SCFD1: variants seen among roughly 807,000 people sequenced by gnomAD.
The protein encoded by SCFD1 is sec1 family domain containing 1.
In SCFD1, 37 loss-of-function variants were observed where a neutral mutation model predicts 103.2. The observed-to-expected ratio is 0.36, with a 90% confidence interval of 0.28 to 0.47. The LOEUF (loss-of-function observed/expected upper bound fraction) is 0.47. Ranked by LOEUF, SCFD1 falls within the 20% of genes least tolerant of loss-of-function variation. The pLI is 1.00. For synonymous variants in SCFD1, 264 were observed against 245.0 expected (o/e 1.08, Z -0.73); for missense variants, 639 against 761.2 (o/e 0.84, Z 1.89).
At chr14:30,668,155 A>G (rs1016066605) in intron 10 of SCFD1, among the ~76,000 whole-genome samples, 3 of 152,138 alleles carry the variant, frequency 2.0e-5, no homozygotes, top group African/African-American at 4.8e-5. Flanking sequence ...ACTATACTAC[A>G]AGGCTACAGT....
chr14:30,714,607 T>C lies in SCFD1; in HGVS notation c.1630-1317T>C, dbSNP rs181310511. 1.7e-3 allele frequency among the ~76,000 whole-genome samples: 266 copies of C among 152,278 alleles called. 1 individual carries two copies. Among genetic ancestry groups the C allele is most frequent in the African/African-American group, 6.0e-3 (248 of 41,572 alleles). ...TAGTGACAGTCCATTTTAATAACAA[T>C]AAAATGTTTTATGATCTAAGAAAAT... On this transcript the variant is annotated intron_variant, in intron 19 of 24. Transcript: ENST00000458591.
intron 4 of SCFD1, among the ~76,000 whole-genome samples, chr14:30,637,060 G>A (rs1427338216): frequency 6.6e-6 from 1 of 152,008 alleles, no homozygotes. Flanking sequence ...ATGGTATTTA[G>A]GAATCAGGAT....
chr14:30,733,946 T>TTAA (rs1893657459), intron 23 of SCFD1, among the ~76,000 whole-genome samples: 1 of 152,150 alleles, frequency 6.6e-6, no homozygotes, highest in East Asian at 1.9e-4. Context: ...CTACCTTTAA[T>TTAA]TAATGCCTGT....
rs1337250150 is a variant in SCFD1 at position 30,734,849 on chromosome 14, C to A, written c.1896C>A (p.Phe632Leu). 6.2e-7 allele frequency: 1 copy of A among 1,609,602 alleles called. No individual in the cohort carries two copies. The change falls in exon 24 of 25, where the codon TTC becomes TTA. Residue 632 changes from phenylalanine (F) to leucine (L), a missense_variant. Coordinates refer to ENST00000458591, the MANE Select transcript of SCFD1 (RefSeq NM_016106.4). ...GTGAGCTTTTTAATGCTACACAGTT[C>A]ATAAAACAGGTAAAGTATACATTTG... Reference protein sequence around the residue: ...GCSELFNATQFIKQLSQLGQK With the variant: ...GCSELFNATQLIKQLSQLGQK
chr14:30,638,261 G>A lies in SCFD1; in HGVS notation c.435+14G>A, dbSNP rs762394666. ...CAAGTAGCCAAGGTAAGAGAGTTTG[G>A]TGGGTTGATGACATTTTGTCAATGT... On this transcript the variant is annotated intron_variant, in intron 5 of 24. Coordinates refer to ENST00000458591, the MANE Select transcript of SCFD1 (RefSeq NM_016106.4). 6 of 1,612,878 alleles carry A rather than the reference G, an allele frequency of 3.7e-6. No individual in the cohort carries two copies. In the South Asian group the frequency reaches 5.5e-5, roughly 15 times the overall value.
At chr14:30,708,117 A>C in intron 19 of SCFD1, 52 bp downstream of exon 19, 2 of 1,147,002 alleles carry the variant, frequency 1.7e-6, no homozygotes, top group Non-Finnish European at 2.6e-6. Context: ...ATAAATGTTG[A>C]CAGGCTAACT....
chr14:30,679,338 G>A (rs933985016), intron 14 of SCFD1, among the ~76,000 whole-genome samples: 1 of 151,914 alleles, frequency 6.6e-6, no homozygotes, highest in Non-Finnish European at 1.5e-5. Context: ...ATCTTAGAAA[G>A]ACTCAGTGAA....
intron 23 of SCFD1, among the ~76,000 whole-genome samples, chr14:30,729,330 T>G (rs188012789): frequency 2.0e-5 from 3 of 152,290 alleles, no homozygotes; most frequent in Admixed American, 6.5e-5. Context: ...AAATCTAAGG[T>G]CATAAAGATT....
chr14:30,723,399 ATTTTTATT>A (rs946794222), intron 23 of SCFD1, among the ~76,000 whole-genome samples: 11 of 151,950 alleles, frequency 7.2e-5, no homozygotes, highest in Non-Finnish European at 1.6e-4. Flanking sequence ...AAGGTTTTTT[ATTTTTATT>A]TTTTTAACTT....
At chr14:30,641,202 A>T (rs527333917) in intron 6 of SCFD1, among the ~76,000 whole-genome samples, 3 of 152,334 alleles carry the variant, frequency 2.0e-5, no homozygotes, top group East Asian at 3.9e-4. Context: ...TGCTTTAAAA[A>T]TTTTAAACAA....
intron 23 of SCFD1, among the ~76,000 whole-genome samples, chr14:30,731,520 T>G (rs1338027195): frequency 2.0e-5 from 3 of 152,228 alleles, no homozygotes; most frequent in Non-Finnish European, 4.4e-5. Flanking sequence ...TGTCCTCTTT[T>G]ACTTCGTTGA....
intron 10 of SCFD1, among the ~76,000 whole-genome samples, chr14:30,668,986 AGT>A (rs1191259461): frequency 6.6e-6 from 1 of 152,202 alleles, no homozygotes; most frequent in Non-Finnish European, 1.5e-5. Context: ...TGTGGAAGAC[AGT>A]GTGGTGATTC....
intron 4 of SCFD1, among the ~76,000 whole-genome samples, chr14:30,636,876 C>A (rs1336549695): frequency 6.6e-6 from 1 of 151,944 alleles, no homozygotes; most frequent in Non-Finnish European, 1.5e-5. Context: ...TATCTTGTAT[C>A]CTGCAACCTT....
At chr14:30,717,604 A>G (rs1043675899) in intron 20 of SCFD1, among the ~76,000 whole-genome samples, 1 of 152,204 alleles carries the variant, frequency 6.6e-6, no homozygotes, top group Non-Finnish European at 1.5e-5. Context: ...TCCAGAAATC[A>G]TTCAAAGCAT....
chr14:30,658,071 T>A, intron 10 of SCFD1: 1 of 455,052 alleles, frequency 2.2e-6, no homozygotes, highest in South Asian at 1.6e-5. Context: ...TTTTATTATA[T>A]CTTGGTTGCA....
chr14:30,696,283 A>C (rs1487061553), intron 15 of SCFD1, among the ~76,000 whole-genome samples: 1 of 152,254 alleles, frequency 6.6e-6, no homozygotes, highest in East Asian at 1.9e-4. Context: ...TGGTGAGAAC[A>C]TAGCATTTTA....
chr14:30,632,549 A>C (rs1182969079), intron 3 of SCFD1, among the ~76,000 whole-genome samples: 1 of 152,168 alleles, frequency 6.6e-6, no homozygotes, highest in East Asian at 1.9e-4. Context: ...TGAAATAAGC[A>C]GGTTTGCTTT....
intron 11 of SCFD1, among the ~76,000 whole-genome samples, chr14:30,672,778 T>C (rs1817251671): frequency 6.6e-6 from 1 of 152,202 alleles, no homozygotes; most frequent in South Asian, 2.1e-4. Flanking sequence ...TGGGATATTA[T>C]GAGTTCTGAG....
chr14:30,709,137 C>T (rs538380115), intron 19 of SCFD1, among the ~76,000 whole-genome samples: 1 of 151,984 alleles, frequency 6.6e-6, no homozygotes, highest in African/African-American at 2.4e-5. Flanking sequence ...TTTTAAAGGC[C>T]AAATCAAAAG....
Sources: gnomAD v4.1 joint callset for allele counts (sites outside exome capture counted in the v4.1 genomes callset) on GRCh38, gnomAD v4.1.1 for gene constraint, MANE v1.5 for transcripts, NCBI Gene and HGNC (gene_info 2026-07-23, HGNC 2026-07-21) for gene names.